The following SULT1A1 variants were observed in gnomAD, a reference collection of about 807,000 sequenced individuals.
SULT1A1 encodes the protein sulfotransferase 1A1.
A neutral mutation model predicts 36.8 loss-of-function variants in SULT1A1; 35 were observed. The observed-to-expected ratio is 0.95, with a 90% CI of 0.73 to 1.26. The LOEUF (loss-of-function observed/expected upper bound fraction) is 1.26, where lower values mean the gene tolerates loss of function less well. Among genes scored for constraint, SULT1A1 ranks in the 50% most tolerant of loss-of-function variants. SULT1A1 has a pLI of 0.00. For synonymous variants in SULT1A1, 119 were observed against 146.0 expected, an observed-to-expected ratio of 0.82 and a Z score of 1.33; for missense variants, 309 against 383.0, an observed-to-expected ratio of 0.81 and a Z score of 1.61.
rs541394423 is a variant in SULT1A1 at position 28,616,790 on chromosome 16, A to T, written c.138+3273T>A. Among the ~76,000 whole-genome samples the T allele has an allele frequency of 1.6e-3, 239 of 152,190 alleles. 1 individual carries two copies. Among genetic ancestry groups the T allele is most frequent in the Admixed American group, 2.1e-3 (32 of 15,288 alleles). ...CACTCTGGTTTCCTCTGCTGCAATT[A>T]CCTAACCGTGAAGTGCAAGATCCTC... On this transcript the variant is annotated intron_variant, in intron 2 of 5. Transcript: ENST00000350842.
chr16:28,605,507 A>G lies in SULT1A1; in HGVS notation c.*314T>C. The G allele has an allele frequency of 2.1e-6, 1 of 472,674 alleles. No individual in the cohort carries two copies. The highest frequency in any genetic ancestry group is 1.9e-5 in the African/African-American group (1 of 52,236). 29.3% of individuals were successfully genotyped at this position (472,674 alleles called of 1,614,324 possible). ...GGCTGGTCCCAAACTCCTGTCCTCCAGTGATCCTCTAGCCTCAACTTCTCA... is the reference window on the plus strand; with the variant it reads ...GGCTGGTCCCAAACTCCTGTCCTCCGGTGATCCTCTAGCCTCAACTTCTCA... On this transcript the variant is annotated 3_prime_UTR_variant, in exon 8 of 8. Transcript: ENST00000314752.
chr16:28,615,959 T>A (rs1596649965), intron 2 of SULT1A1, among the ~76,000 whole-genome samples: 1 of 152,168 alleles, frequency 6.6e-6, no homozygotes, highest in South Asian at 2.1e-4. Flanking sequence ...GTGTACAGGA[T>A]GAAACATGAA....
At chr16:28,606,355 C>G (rs763798483) in intron 6 of SULT1A1, 119 bp from the exon 7 acceptor site, 1 of 1,542,872 alleles carries the variant, frequency 6.5e-7, no homozygotes, top group South Asian at 1.2e-5. Flanking sequence ...CCCTGCAGAG[C>G]CAACTCCTCA....
chr16:28,618,068 C>G (rs2047580638), intron 2 of SULT1A1, among the ~76,000 whole-genome samples: 1 of 149,360 alleles, frequency 6.7e-6, no homozygotes, highest in African/African-American at 2.5e-5. Flanking sequence ...GAACCAGGGC[C>G]TCACTCTGTC....
intron 4 of SULT1A1, 90 bp from the exon 5 acceptor site, chr16:28,607,167 G>A (rs559922312): frequency 6.4e-7 from 1 of 1,571,796 alleles, no homozygotes; most frequent in Non-Finnish European, 8.7e-7. Flanking sequence ...GGAGGAACCT[G>A]AGGCTTAGAG....
At position 28,609,940 on chromosome 16, in the gene SULT1A1, T is replaced by G; in HGVS notation, c.-14A>C. The G allele has an allele frequency of 7.8e-7, 1 of 1,287,530 alleles. No individual in the cohort carries two copies. Among genetic ancestry groups the G allele is most frequent in the Non-Finnish European group, 1.0e-6 (1 of 987,206 alleles). 79.8% of individuals were successfully genotyped at this position (1,287,530 alleles called of 1,614,324 possible). A position where few individuals can be genotyped will look rare whatever the true frequency, so the allele number is the denominator to read the frequency against. ...CCACTGTGTCACTCACCTGAGCTCTTGGGAACCTGGCCTCGTGCCCTCCTC... is the reference window on the plus strand; with the variant it reads ...CCACTGTGTCACTCACCTGAGCTCTGGGGAACCTGGCCTCGTGCCCTCCTC... On this transcript the variant is annotated 5_prime_UTR_variant, in exon 1 of 8. Transcript: ENST00000314752.
chr16:28,609,408 G>A (rs1458584989), intron 1 of SULT1A1: 3 of 1,284,500 alleles, frequency 2.3e-6, no homozygotes, highest in South Asian at 2.5e-5. Flanking sequence ...GGCCCATTGA[G>A]GAACTGAGCT....
At chr16:28,622,320 C>T (rs375134035) in intron 1 of SULT1A1, among the ~76,000 whole-genome samples, 1 of 152,156 alleles carries the variant, frequency 6.6e-6, no homozygotes, top group African/African-American at 2.4e-5. Flanking sequence ...GAATGAACCC[C>T]GGTATTTTTC....
intron 2 of SULT1A1, among the ~76,000 whole-genome samples, chr16:28,619,590 C>T (rs1476281955): frequency 1.3e-5 from 2 of 152,004 alleles, no homozygotes; most frequent in East Asian, 1.9e-4. Context: ...TGTGGTGGCA[C>T]ATGCCTGTAG....
chr16:28,606,781 A>G lies in SULT1A1; in HGVS notation c.574T>C (p.Phe192Leu), dbSNP rs775226927. The G allele has an allele frequency of 1.9e-5, 31 of 1,612,378 alleles. No homozygotes were observed. The highest frequency in any genetic ancestry group is 2.3e-5 in the Non-Finnish European group (27 of 1,178,642). The change falls in exon 6 of 8, where the codon TTC becomes CTC. Residue 192 changes from phenylalanine to leucine, a missense_variant. Phe to Leu is a conservative substitution (Grantham distance 22). Around this residue, in one of 3 missense-constraint regions of SULT1A1, gnomAD observed 219 missense variants for 215.3 expected, o/e 1.02. Coordinates refer to ENST00000314752, the MANE Select transcript of SULT1A1 (RefSeq NM_001055.4). Reference protein sequence around the residue: ...LSRTHPVLYLFYEDMKENPKR... With the variant: ...LSRTHPVLYLLYEDMKENPKR... The stretch of plus-strand genomic sequence containing the variant: ...CTCACCTCCTTCATGTCTTCATAGA[A>G]GAGGTAGAGAACAGGGTGGGTGCGG...
rs2047214867 is a variant in SULT1A1, at chr16:28,606,828, A to C, written c.527T>G (p.Val176Gly). Residue 176 changes from valine (V) to glycine (G), a missense_variant, in exon 6 of 8, where the codon GTG (valine) becomes GGG (glycine). Transcript: ENST00000314752. ...GCGGCTCAGCTCCCACCACTCCTGC[A>C]CGTGCTGGTACCAGGATCCGTAGGA... The part of the protein sequence containing the change: ...EVSYGSWYQH[V>G]QEWWELSRTH... 1 of 1,612,408 alleles carries C rather than the reference A, an allele frequency of 6.2e-7. No individual in the cohort carries two copies. The highest frequency in any genetic ancestry group is 8.5e-7 in the Non-Finnish European group (1 of 1,178,714).
At chr16:28,620,885 C>T (rs1361585092) in intron 1 of SULT1A1, among the ~76,000 whole-genome samples, 9 of 152,102 alleles carry the variant, frequency 5.9e-5, no homozygotes, top group South Asian at 2.1e-4. Flanking sequence ...TTGAGGCGAG[C>T]GGATCACCTG....
At chr16:28,608,644 A>G in intron 2 of SULT1A1, 41 bp from the exon 3 acceptor site, 1 of 1,611,332 alleles carries the variant, frequency 6.2e-7, no homozygotes, top group East Asian at 2.2e-5. Context: ...GGCTGAGGGC[A>G]CGACCTCGCT....
At position 28,605,786 on chromosome 16, in the gene SULT1A1, G is replaced by T. The variant is rs561553449; in HGVS notation, c.*35C>A. 2 of 1,609,638 alleles carry T rather than the reference G, an allele frequency of 1.2e-6. No homozygotes were observed. Among genetic ancestry groups the T allele is most frequent in the Non-Finnish European group, 1.7e-6 (2 of 1,178,156 alleles). ...TGAGCCGCTTGGTCAGGTTTGATTC[G>T]CACACTCCCTCTGCAGTGACTCCAG... On this transcript the variant is annotated 3_prime_UTR_variant, in exon 8 of 8. Coordinates refer to ENST00000314752, the MANE Select transcript of SULT1A1 (RefSeq NM_001055.4).
At chr16:28,610,190 T>A (rs1280383150), upstream of SULT1A1, 5 of 1,285,052 alleles carry the variant, frequency 3.9e-6, no homozygotes, top group Admixed American at 1.2e-4. Context: ...CGACTGAGTT[T>A]GCTGTGTAGA....
At chr16:28,609,287 A>G in intron 1 of SULT1A1, 1 of 1,260,710 alleles carries the variant, frequency 7.9e-7, no homozygotes, top group Non-Finnish European at 1.0e-6. Context: ...CCCAGTGGAG[A>G]TGCTCCCCTC....
In SULT1A1 at chr16:28,605,673, C is replaced by A; in HGVS notation, c.*148G>T. The A allele has an allele frequency of 1.4e-6, 2 of 1,390,412 alleles. No individual in the cohort carries two copies. The highest frequency in any genetic ancestry group is 2.5e-5 in the South Asian group (2 of 80,560). 86.1% of individuals were successfully genotyped at this position (1,390,412 alleles called of 1,614,324 possible). A position where few individuals can be genotyped will look rare whatever the true frequency, so the allele number is the denominator to read the frequency against. On this transcript the variant is annotated 3_prime_UTR_variant, in exon 8 of 8. Transcript: ENST00000314752. Reference sequence around the variant, plus strand: ...CCCAGGTTGGTCTCGAACTCCTGGGCTCAAATGATCCTCCCACCTCAGCCT... The same window carrying A: ...CCCAGGTTGGTCTCGAACTCCTGGGATCAAATGATCCTCCCACCTCAGCCT...
At chr16:28,622,060 G>A (rs2047666905) in intron 1 of SULT1A1, among the ~76,000 whole-genome samples, 1 of 152,130 alleles carries the variant, frequency 6.6e-6, no homozygotes, top group African/African-American at 2.4e-5. Context: ...TTCACCCCGG[G>A]AGAAGCTATA....
chr16:28,622,763 G>C (rs575165953), intron 1 of SULT1A1, among the ~76,000 whole-genome samples: 285 of 152,154 alleles, frequency 1.9e-3, no homozygotes, highest in Non-Finnish European at 3.1e-3. Flanking sequence ...TTATTTTCCC[G>C]TGGGCCTTTT....
Sources: allele counts gnomAD v4.1 joint callset (sites outside exome capture counted in the v4.1 genomes callset), GRCh38; gene constraint gnomAD v4.1.1; regional missense constraint gnomAD v4.1.1; transcripts MANE v1.5; gene names NCBI Gene and HGNC (gene_info 2026-07-23, HGNC 2026-07-21).